The following RAB33A variants were observed in gnomAD, a reference collection of about 807,000 sequenced individuals.
RAB33A encodes ras-related protein Rab-33A.
A neutral mutation model predicts 12.0 loss-of-function variants in RAB33A; 6 were observed. That is an observed-to-expected ratio of 0.50 (90% CI 0.27 to 0.99). The LOEUF (loss-of-function observed/expected upper bound fraction) is 0.99, where lower values mean the gene tolerates loss of function less well. Ranked by LOEUF, RAB33A falls within the 50% of genes least tolerant of loss-of-function variation. RAB33A has a pLI of 0.11. For missense variants in RAB33A, 109 were observed against 192.0 expected (o/e 0.57, Z 2.55); for synonymous variants, 70 against 82.4 (o/e 0.85, Z 0.81).
At chrX:130,163,925 G>A in the RAB33A span, among the ~76,000 whole-genome samples, 48 of 107,935 alleles carry the variant, frequency 4.4e-4, no homozygotes, top group African/African-American at 1.6e-3. Flanking sequence ...GGAGGCCGAG[G>A]TGGGCGGATC....
At chrX:130,162,106 C>T in the RAB33A span, among the ~76,000 whole-genome samples, 1 of 111,964 alleles carries the variant, frequency 8.9e-6, no homozygotes, top group African/African-American at 3.2e-5. Flanking sequence ...GAGAATTTAC[C>T]ATGTGCCAGA....
the RAB33A span, among the ~76,000 whole-genome samples, chrX:130,139,053 C>A: frequency 9.0e-6 from 1 of 110,724 alleles, no homozygotes; most frequent in Admixed American, 9.7e-5. Flanking sequence ...GCCCCCACTA[C>A]AATTATCCAG....
the RAB33A span, chrX:130,131,936 G>A: frequency 1.6e-5 from 12 of 757,784 alleles, no homozygotes; most frequent in African/African-American, 8.4e-5. Context: ...CAATGGGTGC[G>A]AACTCAGTTC....
the RAB33A span, chrX:130,165,958 C>T: frequency 2.8e-6 from 1 of 359,076 alleles, no homozygotes; most frequent in South Asian, 3.4e-5. Context: ...GACGCTGGCT[C>T]TAGGTAGCCG....
the RAB33A span, among the ~76,000 whole-genome samples, chrX:130,151,988 G>A: frequency 9.1e-6 from 1 of 110,302 alleles, no homozygotes; most frequent in Non-Finnish European, 1.9e-5. Context: ...GCAGTGAGCC[G>A]AGATTGCACC....
chrX:130,184,799 C>A lies in RAB33A; in HGVS notation c.*59C>A. The A allele has an allele frequency of 9.6e-7, 1 of 1,044,056 alleles. No homozygotes were observed. Among genetic ancestry groups the A allele is most frequent in the East Asian group, 3.1e-5 (1 of 31,961 alleles). The allele number at this position is 1,044,056 out of a possible 1,213,427, so 86.0% of individuals were successfully genotyped here. A position where few individuals can be genotyped will look rare whatever the true frequency, so the allele number is the denominator to read the frequency against. On this transcript the variant is annotated 3_prime_UTR_variant, in exon 2 of 2. Transcript: ENST00000257017. Reference sequence around the variant, plus strand: ...CTGGAGTTTTTTCTTTCCCTTTTTTCTGTGCCTGCATAATGCTGACACCTG... The same window carrying A: ...CTGGAGTTTTTTCTTTCCCTTTTTTATGTGCCTGCATAATGCTGACACCTG...
chrX:130,154,554 C>T, the RAB33A span, among the ~76,000 whole-genome samples: 1 of 112,147 alleles, frequency 8.9e-6, no homozygotes, highest in African/African-American at 3.2e-5. Flanking sequence ...GCTTCAGCCA[C>T]TAGTTTGACC....
chrX:130,184,844 A>G lies in RAB33A; in HGVS notation c.*104A>G. 1.4e-6 allele frequency: 1 copy of G among 739,800 alleles called. No homozygotes were observed. The highest frequency in any genetic ancestry group is 1.9e-6 in the Non-Finnish European group (1 of 518,153). 61.0% of individuals were successfully genotyped at this position (739,800 alleles called of 1,213,427 possible). A position where few individuals can be genotyped will look rare whatever the true frequency, so the allele number is the denominator to read the frequency against. ...CACCTGCTTGTTTCCATACAAATTG[A>G]TATCAAAATAAAATTTGTATAGATT... On this transcript the variant is annotated 3_prime_UTR_variant, in exon 2 of 2. Coordinates refer to ENST00000257017, the MANE Select transcript of RAB33A (RefSeq NM_004794.3).
At chrX:130,124,360 C>A in the RAB33A span, among the ~76,000 whole-genome samples, 2 of 112,018 alleles carry the variant, frequency 1.8e-5, no homozygotes, top group Non-Finnish European at 3.8e-5. Context: ...TTTATAAATT[C>A]AATACCTATG....
the RAB33A span, among the ~76,000 whole-genome samples, chrX:130,116,851 C>T: frequency 2.7e-5 from 3 of 112,183 alleles, no homozygotes; most frequent in Admixed American, 2.8e-4. Flanking sequence ...GGGAGACATG[C>T]CTGACTGGGG....
At chrX:130,127,121 C>T in the RAB33A span, among the ~76,000 whole-genome samples, 9 of 111,122 alleles carry the variant, frequency 8.1e-5, no homozygotes, top group Non-Finnish European at 5.7e-5. Context: ...CTTAGTACTA[C>T]AGGAGACTTT....
chrX:130,114,855 G>A, the RAB33A span, among the ~76,000 whole-genome samples: 1 of 111,941 alleles, frequency 8.9e-6, no homozygotes, highest in Non-Finnish European at 1.9e-5. Context: ...AGGCTGGAGT[G>A]CAGTGGTACA....
At chrX:130,150,992 A>AAAAAAAAAAAAG in the RAB33A span, among the ~76,000 whole-genome samples, 3 of 104,434 alleles carry the variant, frequency 2.9e-5, no homozygotes, top group African/African-American at 1.1e-4. Context: ...AAAAAAAAAA[A>AAAAAAAAAAAAG]AAAGAAAAGA....
the RAB33A span, among the ~76,000 whole-genome samples, chrX:130,148,833 C>CAA: frequency 1.1e-3 from 24 of 21,519 alleles, no homozygotes; most frequent in East Asian, 8.9e-3. Flanking sequence ...AACTCCATCT[C>CAA]AAAAAAAAAA....
At chrX:130,142,672 G>A in the RAB33A span, among the ~76,000 whole-genome samples, 1 of 111,459 alleles carries the variant, frequency 9.0e-6, no homozygotes, top group Non-Finnish European at 1.9e-5. Context: ...TTGAAATGGA[G>A]TCTTGTTCTG....
At chrX:130,139,814 C>T in the RAB33A span, 1 of 1,210,837 alleles carries the variant, frequency 8.3e-7, no homozygotes, top group Non-Finnish European at 1.1e-6. Flanking sequence ...AAGCGTTGTT[C>T]TACTCTTCAC....
rs770445635 is a variant in RAB33A at position 130,171,982 on chromosome X, C to A, written c.-81C>A. On this transcript the variant is annotated 5_prime_UTR_variant, in exon 1 of 2. Coordinates refer to ENST00000257017, the MANE Select transcript of RAB33A (RefSeq NM_004794.3). ...CACACACACACGCACAGAGCTCGCT[C>A]GCCTCGAGCGCACGAACGTGGACGT... The A allele has an allele frequency of 4.8e-4, 500 of 1,046,082 alleles. 1 individual carries two copies. The highest frequency in any genetic ancestry group is 5.9e-4 in the Non-Finnish European group (473 of 794,963). 86.2% of individuals were successfully genotyped at this position (1,046,082 alleles called of 1,213,427 possible).
chrX:130,161,504 C>CTT, the RAB33A span, among the ~76,000 whole-genome samples: 11 of 65,886 alleles, frequency 1.7e-4, no homozygotes, highest in Non-Finnish European at 2.6e-4. Context: ...GAGCAAGACT[C>CTT]TGTTTGAAGA....
intron 1 of RAB33A, among the ~76,000 whole-genome samples, chrX:130,177,355 C>T (rs368706406): frequency 1.5e-3 from 166 of 112,667 alleles, no homozygotes; most frequent in African/African-American, 5.0e-3. Context: ...AGTCCTTTCT[C>T]ATGTGTTATT....
Sources: allele counts gnomAD v4.1 joint callset (sites outside exome capture counted in the v4.1 genomes callset), GRCh38; gene constraint gnomAD v4.1.1; transcripts MANE v1.5; gene names NCBI Gene and HGNC (gene_info 2026-07-23, HGNC 2026-07-21).